TENM3: variants seen among roughly 807,000 people sequenced by gnomAD.
TENM3 encodes teneurin transmembrane protein 3.
Under a neutral mutation model 255.1 loss-of-function variants are expected in TENM3, and 63 were observed. The observed-to-expected ratio is 0.25, with a 90% confidence interval of 0.20 to 0.30. The LOEUF is 0.30. Among genes scored for constraint, TENM3 ranks in the 10% least tolerant of loss-of-function variants. The probability of loss-of-function intolerance (pLI) is 1.00; values close to 1 mark genes in which losing one functional copy is unlikely to be tolerated. For synonymous variants in TENM3, 1,306 were observed against 1,322.3 expected (o/e 0.99, Z 0.27); for missense variants, 2,929 against 3,461.1 (o/e 0.85, Z 3.86).
chr4:182,617,868 C>G (rs1749688474), intron 4 of TENM3, among the ~76,000 whole-genome samples: 1 of 152,136 alleles, frequency 6.6e-6, no homozygotes, highest in Non-Finnish European at 1.5e-5. Flanking sequence ...TCAACATTTC[C>G]TATGCAGTAG....
chr4:181,641,805 C>CATACATATATAT, the TENM3 span, among the ~76,000 whole-genome samples: 8 of 31,438 alleles, frequency 2.5e-4, no homozygotes, highest in African/African-American at 1.1e-3. Context: ...ACACACACAC[C>CATACATATATAT]ATATATATAT....
the TENM3 span, among the ~76,000 whole-genome samples, chr4:182,007,625 G>C: frequency 5.9e-5 from 9 of 152,118 alleles, no homozygotes; most frequent in African/African-American, 2.2e-4. Context: ...GTCTTTGCAT[G>C]TAAGAGGGGT....
intron 1 of TENM3, among the ~76,000 whole-genome samples, chr4:182,215,846 T>C (rs1755428421): frequency 6.6e-6 from 1 of 152,198 alleles, no homozygotes; most frequent in East Asian, 1.9e-4. Context: ...CTCGATACCT[T>C]TCTAGGGTTA....
At chr4:181,577,802 A>C in the TENM3 span, among the ~76,000 whole-genome samples, 1 of 151,942 alleles carries the variant, frequency 6.6e-6, no homozygotes, top group African/African-American at 2.4e-5. Flanking sequence ...TCTTTTTTTT[A>C]ATACCAATGT....
chr4:182,018,923 A>G, the TENM3 span, among the ~76,000 whole-genome samples: 4 of 152,292 alleles, frequency 2.6e-5, no homozygotes, highest in African/African-American at 9.6e-5. Context: ...GTTTCCCAGA[A>G]TCATCCAATG....
At chr4:182,720,624 C>G (rs923228759) in intron 13 of TENM3, among the ~76,000 whole-genome samples, 1 of 152,140 alleles carries the variant, frequency 6.6e-6, no homozygotes, top group Non-Finnish European at 1.5e-5. Flanking sequence ...GAAGAACATC[C>G]AGCTTGTGCC....
chr4:182,348,801 G>A (rs552397592), intron 3 of TENM3, among the ~76,000 whole-genome samples: 7 of 151,828 alleles, frequency 4.6e-5, no homozygotes, highest in Non-Finnish European at 8.8e-5. Context: ...TTTCTTTTTG[G>A]AAAATATAAA....
the TENM3 span, among the ~76,000 whole-genome samples, chr4:181,605,568 A>AAGAGAGAGAGAGAG: frequency 2.4e-5 from 1 of 42,164 alleles, no homozygotes; most frequent in Non-Finnish European, 4.8e-5. Flanking sequence ...GAAAGAAAGA[A>AAGAGAGAGAGAGAG]AGAGAGAGAA....
At chr4:182,257,852 A>G (rs1038320481) in intron 1 of TENM3, among the ~76,000 whole-genome samples, 8 of 152,208 alleles carry the variant, frequency 5.3e-5, no homozygotes, top group African/African-American at 1.9e-4. Flanking sequence ...TGGTCCCCAT[A>G]CAATGCTACA....
chr4:181,907,332 C>A, the TENM3 span, among the ~76,000 whole-genome samples: 1 of 152,138 alleles, frequency 6.6e-6, no homozygotes, highest in African/African-American at 2.4e-5. Context: ...GTGTCCCTAG[C>A]CAGTCACTGC....
intron 1 of TENM3, among the ~76,000 whole-genome samples, chr4:182,265,537 G>C (rs1281450394): frequency 6.6e-6 from 1 of 152,102 alleles, no homozygotes; most frequent in African/African-American, 2.4e-5. Context: ...CTTAATTTTG[G>C]GGATGTGTCT....
At chr4:182,737,149 C>A in intron 17 of TENM3, 74 bp downstream of exon 17, 1 of 1,455,080 alleles carries the variant, frequency 6.9e-7, no homozygotes, top group Non-Finnish European at 9.4e-7. Flanking sequence ...AATTGTAACC[C>A]AGGGAAGTCA....
At chr4:181,843,424 C>G in the TENM3 span, among the ~76,000 whole-genome samples, 3 of 152,274 alleles carry the variant, frequency 2.0e-5, no homozygotes, top group African/African-American at 7.2e-5. Context: ...TATATACTAA[C>G]TTCTGTATGA....
chr4:182,626,230 C>G (rs1750809215), intron 4 of TENM3, among the ~76,000 whole-genome samples: 3 of 152,142 alleles, frequency 2.0e-5, no homozygotes, highest in Admixed American at 1.3e-4. Flanking sequence ...TCTTCTTATC[C>G]AGACTACATG....
the TENM3 span, among the ~76,000 whole-genome samples, chr4:181,937,845 A>G: frequency 1.3e-5 from 2 of 152,182 alleles, no homozygotes; most frequent in African/African-American, 2.4e-5. Context: ...GAAAGTTTTA[A>G]AAGTCTCTTC....
intron 3 of TENM3, among the ~76,000 whole-genome samples, chr4:182,572,842 G>C (rs1307800907): frequency 6.6e-6 from 1 of 152,084 alleles, no homozygotes; most frequent in Non-Finnish European, 1.5e-5. Context: ...GGATCTTGTG[G>C]GGGTCAGAAG....
At chr4:182,449,425 G>A (rs1663902520) in intron 3 of TENM3, among the ~76,000 whole-genome samples, 1 of 150,890 alleles carries the variant, frequency 6.6e-6, no homozygotes, top group Non-Finnish European at 1.5e-5. Context: ...GTAGCCGCGG[G>A]GAGAATGGAG....
the TENM3 span, among the ~76,000 whole-genome samples, chr4:181,617,126 T>A: frequency 1.3e-5 from 2 of 152,124 alleles, no homozygotes; most frequent in African/African-American, 4.8e-5. Flanking sequence ...TGCATATAAA[T>A]CTTGTAAAAT....
At chr4:181,871,490 C>T in the TENM3 span, among the ~76,000 whole-genome samples, 2 of 152,046 alleles carry the variant, frequency 1.3e-5, no homozygotes, top group Middle Eastern at 3.4e-3. Flanking sequence ...TGTAAACAGT[C>T]ATTTTGTCTA....
Sources: gnomAD v4.1 joint callset for allele counts (sites outside exome capture counted in the v4.1 genomes callset) on GRCh38, gnomAD v4.1.1 for gene constraint, MANE v1.5 for transcripts, NCBI Gene and HGNC (gene_info 2026-07-23, HGNC 2026-07-21) for gene names.